Variants in CHD8 observed in about 807,000 individuals in gnomAD.
The protein encoded by CHD8 is ATP-dependent chromatin remodeler CHD8.
A neutral mutation model predicts 279.2 loss-of-function variants in CHD8; 31 were observed. That is an observed-to-expected ratio of 0.11 (90% CI 0.08 to 0.15). The LOEUF (loss-of-function observed/expected upper bound fraction) is 0.15, where lower values mean the gene tolerates loss of function less well. Ranked by LOEUF, CHD8 falls within the 10% of genes least tolerant of loss-of-function variation. CHD8 has a pLI of 1.00. For synonymous variants in CHD8, 1,081 were observed against 1,139.6 expected, an observed-to-expected ratio of 0.95 and a Z score of 1.04; for missense variants, 2,146 against 3,230.5, an observed-to-expected ratio of 0.66 and a Z score of 8.14.
intron 5 of CHD8, among the ~76,000 whole-genome samples, chr14:21,421,795 G>C (rs1268747198): frequency 6.6e-6 from 1 of 152,094 alleles, no homozygotes; most frequent in Non-Finnish European, 1.5e-5. Flanking sequence ...AGGAAATTGG[G>C]AATAGGGCTT....
At chr14:21,399,231 G>T in intron 26 of CHD8, 1 of 299,670 alleles carries the variant, frequency 3.3e-6, no homozygotes, top group Non-Finnish European at 6.7e-6. Context: ...TTATGCTAGT[G>T]CACATCCAGA....
At chr14:21,418,846 C>A (rs1027171930) in intron 5 of CHD8, among the ~76,000 whole-genome samples, 3 of 151,962 alleles carry the variant, frequency 2.0e-5, no homozygotes, top group East Asian at 1.9e-4. Flanking sequence ...AAATAAAGTT[C>A]AAAAATAGGC....
chr14:21,448,856 C>G (rs1890188641), intron 1 of CHD8, among the ~76,000 whole-genome samples: 1 of 150,404 alleles, frequency 6.6e-6, no homozygotes, highest in African/African-American at 2.4e-5. Context: ...AGCCACCGCG[C>G]CTGGACCAGC....
Position 21,415,769 on chromosome 14 carries a change from G to T in CHD8, c.1855C>A (p.Gln619Lys). 6.2e-7 allele frequency: 1 copy of T among 1,613,882 alleles called. No individual in the cohort carries two copies. Reference sequence around the variant, plus strand: ...GGCAAAGTCTCGCCATCTGGTTCTTGCACTGGTTCAGGGAGGATAGGCTCA... The same window carrying T: ...GGCAAAGTCTCGCCATCTGGTTCTTTCACTGGTTCAGGGAGGATAGGCTCA... ...KPEPILPEPV[Q>K]EPDGETLPSM... The change falls in exon 6 of 38, where the codon CAA becomes AAA. Residue 619 changes from glutamine (Q) to lysine (K), a missense_variant. By Grantham distance (53) the Gln-to-Lys change is moderately conservative. Coordinates refer to ENST00000646647, the MANE Select transcript of CHD8 (RefSeq NM_001170629.2).
chr14:21,386,202 A>G (rs1393148152), intron 37 of CHD8, 26 bp from the exon 38 acceptor site: 2 of 1,524,096 alleles, frequency 1.3e-6, no homozygotes, highest in Non-Finnish European at 1.8e-6. Context: ...AGAAGATAAT[A>G]AAAAGAAAGA....
intron 5 of CHD8, chr14:21,425,611 C>T (rs1889278726): frequency 6.6e-6 from 1 of 152,166 alleles, no homozygotes; most frequent in Non-Finnish European, 1.5e-5. Context: ...AGGTGTGAGC[C>T]ACCACGCCTG....
chr14:21,415,512 A>AATAG (rs933904237), intron 7 of CHD8, 62 bp downstream of exon 7: 2 of 878,156 alleles, frequency 2.3e-6, no homozygotes, highest in African/African-American at 4.1e-5. Context: ...TTCAAAAATA[A>AATAG]ATAAATAAAT....
intron 10 of CHD8, among the ~76,000 whole-genome samples, chr14:21,410,891 ACTCT>A: frequency 2.0e-5 from 3 of 152,244 alleles, no homozygotes; most frequent in Admixed American, 2.0e-4. Context: ...AACTCAGGTC[ACTCT>A]CTATATAAAG....
rs548571954 is a variant in CHD8, at chr14:21,400,228, A to G, written c.4650T>C (p.Asp1550=). 12 of 1,613,936 alleles carry G rather than the reference A, an allele frequency of 7.4e-6. No individual in the cohort carries two copies. Among genetic ancestry groups the G allele is most frequent in the South Asian group, 6.6e-5 (6 of 91,080 alleles). The change falls in exon 24 of 38, where the codon GAT becomes GAC. Residue 1550 remains aspartate (D), a synonymous_variant. Coordinates refer to ENST00000646647, the MANE Select transcript of CHD8 (RefSeq NM_001170629.2). The surrounding 1 kb of genome is among the most constrained non-coding windows in gnomAD (Gnocchi z 4.2). ...TGTCAGGGTTATATTTCCGGATCCAATCTGCCTTATGGATATCAAAAGTGC... is the reference window on the plus strand; with the variant it reads ...TGTCAGGGTTATATTTCCGGATCCAGTCTGCCTTATGGATATCAAAAGTGC... ...SQSTFDIHKA[D]WIRKYNPDTL...
At chr14:21,426,950 G>C (rs1434272627) in intron 4 of CHD8, 1 of 152,184 alleles carries the variant, frequency 6.6e-6, no homozygotes, top group Admixed American at 6.5e-5. Context: ...GGTGGTAGGA[G>C]GTAGTGAGAA....
rs1889301916 is a variant in CHD8 at position 21,426,059 on chromosome 14, A to G, written c.1716+69T>C. 6.6e-6 allele frequency: 6 copies of G among 915,764 alleles called. No homozygotes were observed. The South Asian group carries it at 8.6e-5, about 13-fold the overall frequency. 56.7% of individuals were successfully genotyped at this position (915,764 alleles called of 1,614,324 possible). On this transcript the variant is annotated intron_variant, in intron 5 of 37. Transcript: ENST00000646647. ...GTGTATAGACTTACGATTTCTCAAT[A>G]TCTGCTTGGCTTGGTTAGCCATAAT...
In CHD8 at chr14:21,393,527, T is replaced by TGA; in HGVS notation, c.6267_6268insTC (p.Ser2091AlafsTer17). 2 of 1,598,504 alleles carry TGA rather than the reference T, an allele frequency of 1.3e-6. No homozygotes were observed. The highest frequency in any genetic ancestry group is 1.7e-6 in the Non-Finnish European group (2 of 1,172,298). The stretch of plus-strand genomic sequence containing the variant: ...CTCTCATCAGTGCTGGAGCTGGAGC[T>TGA]GGATGAGGATGAGGAAGAAGAAGAA... On this transcript the variant is annotated frameshift_variant, in exon 32 of 38. Coordinates refer to ENST00000646647, the MANE Select transcript of CHD8 (RefSeq NM_001170629.2). LOFTEE classifies it high-confidence loss of function.
At chr14:21,439,825 G>C (rs142823270) in intron 1 of CHD8, among the ~76,000 whole-genome samples, 1 of 152,086 alleles carries the variant, frequency 6.6e-6, no homozygotes, top group Non-Finnish European at 1.5e-5. Context: ...TACTATTGTC[G>C]TATTTTTTCT....
rs185998377 is a variant in CHD8 at position 21,441,867 on chromosome 14, T to G, written c.-215-10009A>C. On this transcript the variant is annotated intron_variant, in intron 1 of 37. Transcript: ENST00000646647. Reference sequence around the variant, plus strand: ...TTGCGCCACTGCACTCCAGCCTGGGTGACAGAGCGAGACTCCACCTCAAAA... The same window carrying G: ...TTGCGCCACTGCACTCCAGCCTGGGGGACAGAGCGAGACTCCACCTCAAAA... 1.3e-5 allele frequency among the ~76,000 whole-genome samples: 2 copies of G among 150,022 alleles called. 1 individual carries two copies. Among genetic ancestry groups the G allele is most frequent in the Middle Eastern group, 7.0e-3 (2 of 284 alleles).
intron 10 of CHD8, among the ~76,000 whole-genome samples, chr14:21,410,192 A>G (rs1888428398): frequency 6.6e-6 from 1 of 152,198 alleles, no homozygotes. Flanking sequence ...ATTTATCAGA[A>G]TCTGTTCTAA....
In CHD8 at chr14:21,399,929, C is replaced by G; in HGVS notation, c.4817+52G>C. On this transcript the variant is annotated intron_variant, in intron 25 of 37. Coordinates refer to ENST00000646647, the MANE Select transcript of CHD8 (RefSeq NM_001170629.2). The stretch of plus-strand genomic sequence containing the variant: ...CATAAAATGAAATAAGCAAACCAAT[C>G]TTCCCTCAAATAAGGTAGGGCATAA... 3 of 1,426,650 alleles carry G rather than the reference C, an allele frequency of 2.1e-6. No individual in the cohort carries two copies. In the East Asian group the frequency reaches 6.8e-5, roughly 32 times the overall value. 88.4% of individuals were successfully genotyped at this position (1,426,650 alleles called of 1,614,324 possible).
intron 1 of CHD8, among the ~76,000 whole-genome samples, chr14:21,452,829 C>G (rs1354307332): frequency 2.0e-5 from 3 of 151,150 alleles, no homozygotes; most frequent in African/African-American, 7.3e-5. Flanking sequence ...ACTAAAAATA[C>G]AAAAATTAGC....
intron 1 of CHD8, among the ~76,000 whole-genome samples, chr14:21,455,604 A>G (rs1411451417): frequency 1.3e-5 from 2 of 151,968 alleles, no homozygotes; most frequent in Non-Finnish European, 2.9e-5. Flanking sequence ...AAAATACAGA[A>G]GAAAAAAAAA....
intron 1 of CHD8, among the ~76,000 whole-genome samples, chr14:21,435,014 G>T (rs1041294587): frequency 3.3e-5 from 5 of 152,150 alleles, no homozygotes; most frequent in Non-Finnish European, 5.9e-5. Context: ...TCAATGCAAA[G>T]TAACTGCCTA....
Sources: allele counts gnomAD v4.1 joint callset (sites outside exome capture counted in the v4.1 genomes callset), GRCh38; gene constraint gnomAD v4.1.1; non-coding constraint Gnocchi (gnomAD v3.1); transcripts MANE v1.5; gene names NCBI Gene and HGNC (gene_info 2026-07-23, HGNC 2026-07-21).